ESRRG: variants seen among roughly 807,000 people sequenced by gnomAD.
ESRRG encodes the protein estrogen-related receptor gamma.
Under a neutral mutation model 44.0 loss-of-function variants are expected in ESRRG, and 13 were observed. The observed-to-expected ratio is 0.30, with a 90% CI of 0.19 to 0.47. The LOEUF is 0.47. ESRRG is among the 20% of genes least tolerant of loss of function. The pLI is 1.00. For missense variants in ESRRG, 395 were observed against 580.6 expected, an observed-to-expected ratio of 0.68 and a Z score of 3.29; for synonymous variants, 215 against 214.6, an observed-to-expected ratio of 1.00 and a Z score of -0.02.
chr1:217,085,860 A>G (rs999353015), intron 1 of ESRRG, among the ~76,000 whole-genome samples: 10 of 152,088 alleles, frequency 6.6e-5, no homozygotes, highest in Admixed American at 4.6e-4. Flanking sequence ...GTGAGAACAC[A>G]TAGAACTTAC....
intron 5 of ESRRG, among the ~76,000 whole-genome samples, chr1:216,539,877 T>C (rs1326608372): frequency 2.0e-5 from 3 of 151,978 alleles, no homozygotes; most frequent in Non-Finnish European, 4.4e-5. Context: ...TAAAAATACA[T>C]ACAAAATTCA....
At chr1:216,914,296 G>A (rs1270996178) in intron 2 of ESRRG, among the ~76,000 whole-genome samples, 3 of 152,064 alleles carry the variant, frequency 2.0e-5, no homozygotes, top group African/African-American at 7.2e-5. Context: ...ATTAGTATTA[G>A]CAGCATATTC....
At chr1:216,808,729 A>G (rs1218832179) in intron 2 of ESRRG, among the ~76,000 whole-genome samples, 12 of 152,144 alleles carry the variant, frequency 7.9e-5, no homozygotes, top group Non-Finnish European at 1.3e-4. Context: ...TGGCCTGAAT[A>G]TAAAATTTTA....
intron 1 of ESRRG, chr1:216,939,685 T>C (rs896777517): frequency 6.7e-6 from 1 of 149,034 alleles, no homozygotes; most frequent in African/African-American, 2.5e-5. Context: ...TATTCATTTA[T>C]GTGACGTGAG....
At chr1:216,972,495 A>G (rs994729000) in intron 1 of ESRRG, among the ~76,000 whole-genome samples, 1 of 152,214 alleles carries the variant, frequency 6.6e-6, no homozygotes, top group African/African-American at 2.4e-5. Context: ...GTTCATATAC[A>G]AACTATAATC....
At chr1:216,994,425 A>G (rs946614136) in intron 1 of ESRRG, among the ~76,000 whole-genome samples, 2 of 151,980 alleles carry the variant, frequency 1.3e-5, no homozygotes, top group Non-Finnish European at 2.9e-5. Flanking sequence ...ACACACACGG[A>G]TACATGTGAC....
chr1:216,644,350 T>C (rs936151746), intron 3 of ESRRG, among the ~76,000 whole-genome samples: 3 of 152,214 alleles, frequency 2.0e-5, no homozygotes, highest in African/African-American at 7.2e-5. Context: ...TTTCTAGACT[T>C]CTACAAAGTG....
At chr1:216,957,969 T>C (rs2068279537) in intron 1 of ESRRG, among the ~76,000 whole-genome samples, 1 of 152,188 alleles carries the variant, frequency 6.6e-6, no homozygotes, top group Non-Finnish European at 1.5e-5. Context: ...ACCAATGTTC[T>C]GATTCCTGCT....
chr1:216,830,991 AG>A (rs1011177748), intron 2 of ESRRG, among the ~76,000 whole-genome samples: 9 of 151,414 alleles, frequency 5.9e-5, no homozygotes, highest in African/African-American at 2.2e-4. Flanking sequence ...GGAAAAGAGC[AG>A]GGGGAGGAGA....
chr1:216,588,079 G>T lies in ESRRG; in HGVS notation c.590-19981C>A, dbSNP rs76707128. 3.7e-3 allele frequency among the ~76,000 whole-genome samples: 558 copies of T among 152,184 alleles called. 5 individuals carry two copies. The highest frequency in any genetic ancestry group is 0.012 in the African/African-American group (509 of 41,502). ...TTTTCTGTGTCTTTTTGTGGGTATG[G>T]TACATTAACATGTATTCCCCCTGGT... On this transcript the variant is annotated intron_variant, in intron 3 of 6. Coordinates refer to ENST00000408911, the MANE Select transcript of ESRRG (RefSeq NM_001438.4).
intron 2 of ESRRG, among the ~76,000 whole-genome samples, chr1:216,813,408 T>C (rs2095036638): frequency 6.6e-6 from 1 of 152,164 alleles, no homozygotes; most frequent in African/African-American, 2.4e-5. Context: ...AGGAATCTCG[T>C]TATACTTGTA....
At chr1:216,685,541 A>G (rs532753540) in intron 1 of ESRRG, among the ~76,000 whole-genome samples, 2 of 152,314 alleles carry the variant, frequency 1.3e-5, no homozygotes, top group East Asian at 3.9e-4. Context: ...AGACCTTCCC[A>G]CAGCACCGCA....
intron 1 of ESRRG, among the ~76,000 whole-genome samples, chr1:217,006,218 A>C (rs1396037808): frequency 6.6e-6 from 1 of 152,148 alleles, no homozygotes; most frequent in African/African-American, 2.4e-5. Context: ...TTTATAAATC[A>C]CTTAAAAATG....
chr1:217,071,973 A>G (rs1340522346), intron 1 of ESRRG, among the ~76,000 whole-genome samples: 2 of 152,188 alleles, frequency 1.3e-5, no homozygotes, highest in African/African-American at 2.4e-5. Flanking sequence ...TTCTAAACCA[A>G]CTGGTATGTT....
chr1:216,767,598 A>T (rs908363667), intron 2 of ESRRG, among the ~76,000 whole-genome samples: 1 of 152,162 alleles, frequency 6.6e-6, no homozygotes, highest in African/African-American at 2.4e-5. Context: ...ACTTAAACAG[A>T]TACAAAACTT....
intron 2 of ESRRG, among the ~76,000 whole-genome samples, chr1:216,909,901 G>T (rs943434269): frequency 6.6e-6 from 1 of 151,938 alleles, no homozygotes; most frequent in African/African-American, 2.4e-5. Flanking sequence ...ACCCACAAAT[G>T]AACAAAAACA....
rs76274072 is a variant in ESRRG at position 216,561,292 on chromosome 1, G to A, written c.862+2927C>T. Among the ~76,000 whole-genome samples, 877 of 152,134 alleles carry A rather than the reference G, an allele frequency of 5.8e-3. 7 individuals are homozygous for A. Among genetic ancestry groups the A allele is most frequent in the African/African-American group, 0.019 (784 of 41,498 alleles). ...CTTAATTTTAAAAACATATATGTAC[G>A]TGTATGGGTGTAATTATACAAACCG... On this transcript the variant is annotated intron_variant, in intron 5 of 6. Transcript: ENST00000408911.
At chr1:216,950,621 C>T (rs1392702875) in intron 1 of ESRRG, among the ~76,000 whole-genome samples, 1 of 152,090 alleles carries the variant, frequency 6.6e-6, no homozygotes, top group Non-Finnish European at 1.5e-5. Flanking sequence ...AAAGTAAAGA[C>T]CTAGGTTGAG....
At chr1:217,122,872 A>G (rs1239024601) in intron 1 of ESRRG, among the ~76,000 whole-genome samples, 1 of 151,064 alleles carries the variant, frequency 6.6e-6, no homozygotes, top group Non-Finnish European at 1.5e-5. Flanking sequence ...TTTAGTACAG[A>G]CGGGGTTTCT....
Sources: gnomAD v4.1 joint callset for allele counts (sites outside exome capture counted in the v4.1 genomes callset) on GRCh38, gnomAD v4.1.1 for gene constraint, MANE v1.5 for transcripts, NCBI Gene and HGNC (gene_info 2026-07-23, HGNC 2026-07-21) for gene names.